The following ITGA9 variants were observed in gnomAD, a reference collection of about 807,000 sequenced individuals.
The protein encoded by ITGA9 is integrin subunit alpha 9.
In ITGA9, 56 loss-of-function variants were observed where a neutral mutation model predicts 127.8. The ratio of observed to expected loss-of-function variants is 0.44; its 90% CI spans 0.35 to 0.55. ITGA9 has a LOEUF of 0.55. Among genes scored for constraint, ITGA9 ranks in the 20% least tolerant of loss-of-function variants. The probability of loss-of-function intolerance (pLI) is 0.00; values close to 1 mark genes in which losing one functional copy is unlikely to be tolerated. For missense variants in ITGA9, 1,196 were observed against 1,347.1 expected, an observed-to-expected ratio of 0.89 and a Z score of 1.76; for synonymous variants, 508 against 514.5, an observed-to-expected ratio of 0.99 and a Z score of 0.17.
intron 16 of ITGA9, among the ~76,000 whole-genome samples, chr3:37,650,717 C>T (rs1163948479): frequency 6.6e-6 from 1 of 152,160 alleles, no homozygotes; most frequent in East Asian, 1.9e-4. Flanking sequence ...AGGTGTGAGC[C>T]ACCATGCCTG....
intron 18 of ITGA9, among the ~76,000 whole-genome samples, chr3:37,721,114 C>CTTT (rs35254377): frequency 1.2e-4 from 11 of 93,228 alleles, no homozygotes; most frequent in East Asian, 6.0e-4. Flanking sequence ...CTTTTCTTGC[C>CTTT]TTTTTTTTTT....
At chr3:37,533,212 C>G in intron 13 of ITGA9, 102 bp from the exon 14 acceptor site, 1 of 1,053,178 alleles carries the variant, frequency 9.5e-7, no homozygotes, top group Non-Finnish European at 1.5e-6. Context: ...TAATTAAATG[C>G]TGGGTTGAAG....
chr3:37,743,537 A>C (rs935005170), intron 21 of ITGA9, among the ~76,000 whole-genome samples: 3 of 152,252 alleles, frequency 2.0e-5, no homozygotes, highest in Non-Finnish European at 4.4e-5. Context: ...TTAGGATGCC[A>C]AATACATAAC....
At chr3:37,817,478 T>TA (rs1366853762) in intron 27 of ITGA9, among the ~76,000 whole-genome samples, 2 of 152,150 alleles carry the variant, frequency 1.3e-5, no homozygotes, top group African/African-American at 4.8e-5. Flanking sequence ...AGGAAGCCAA[T>TA]AAAAGATTTG....
At chr3:37,478,655 G>A (rs548778989) in intron 3 of ITGA9, among the ~76,000 whole-genome samples, 1 of 152,282 alleles carries the variant, frequency 6.6e-6, no homozygotes, top group Admixed American at 6.5e-5. Flanking sequence ...ATGCTTTGGA[G>A]ACAGTCCCTA....
chr3:37,552,628 C>T (rs1699388850), intron 15 of ITGA9, among the ~76,000 whole-genome samples: 1 of 152,080 alleles, frequency 6.6e-6, no homozygotes, highest in Non-Finnish European at 1.5e-5. Flanking sequence ...TGACAAATAG[C>T]GCTCTCTTTC....
intron 14 of ITGA9, among the ~76,000 whole-genome samples, chr3:37,537,351 G>A (rs1699218925): frequency 6.6e-6 from 1 of 152,130 alleles, no homozygotes; most frequent in Non-Finnish European, 1.5e-5. Context: ...CTCCAGCCTT[G>A]CAGGCTCCCT....
chr3:37,633,660 A>G (rs986880311), intron 16 of ITGA9, among the ~76,000 whole-genome samples: 2 of 152,170 alleles, frequency 1.3e-5, no homozygotes, highest in African/African-American at 4.8e-5. Context: ...AGGGTCATCC[A>G]TTTCTCTCTC....
intron 27 of ITGA9, among the ~76,000 whole-genome samples, chr3:37,810,264 C>T (rs1038156968): frequency 5.3e-5 from 8 of 152,194 alleles, no homozygotes; most frequent in East Asian, 1.9e-4. Flanking sequence ...GCCATGCCGC[C>T]GCATTCACAG....
chr3:37,812,458 G>GGCT (rs1393219595), intron 27 of ITGA9, among the ~76,000 whole-genome samples: 1 of 152,228 alleles, frequency 6.6e-6, no homozygotes, highest in Non-Finnish European at 1.5e-5. Context: ...GGGAGGAAGA[G>GGCT]GCTGCTGCTG....
At chr3:37,631,464 C>T (rs1168291118) in intron 16 of ITGA9, among the ~76,000 whole-genome samples, 3 of 152,152 alleles carry the variant, frequency 2.0e-5, no homozygotes, top group East Asian at 1.9e-4. Context: ...TCCAGATGGC[C>T]AACCAAGCAC....
At position 37,568,250 on chromosome 3, in the gene ITGA9, G is replaced by T. The variant is rs151085136; in HGVS notation, c.1689+25665G>T. 2.0e-3 allele frequency among the ~76,000 whole-genome samples: 302 copies of T among 152,372 alleles called. 1 individual carries two copies. The highest frequency in any genetic ancestry group is 3.5e-3 in the Non-Finnish European group (238 of 68,038). ...TGTACCTTGGCCCCTTTTAGCCATG[G>T]CTGGAGTGGCTGGGACACAGGGCAC... On this transcript the variant is annotated intron_variant, in intron 15 of 27. Coordinates refer to ENST00000264741, the MANE Select transcript of ITGA9 (RefSeq NM_002207.3).
intron 18 of ITGA9, among the ~76,000 whole-genome samples, chr3:37,709,462 C>A (rs1027443979): frequency 1.3e-5 from 2 of 152,214 alleles, no homozygotes; most frequent in African/African-American, 4.8e-5. Context: ...TCTTTCAAAA[C>A]TTCTGCAAGG....
At chr3:37,525,827 G>A (rs1434753752) in intron 12 of ITGA9, among the ~76,000 whole-genome samples, 199 bp from the exon 13 acceptor site, 1 of 152,196 alleles carries the variant, frequency 6.6e-6, no homozygotes, top group Non-Finnish European at 1.5e-5. Flanking sequence ...CAAGGCCCCA[G>A]TAGCCTGCGT....
chr3:37,515,172 A>G lies in ITGA9; in HGVS notation c.1035+1272A>G, dbSNP rs1315280026. Among the ~76,000 whole-genome samples, 5 of 152,180 alleles carry G rather than the reference A, an allele frequency of 3.3e-5. No individual in the cohort carries two copies. The East Asian group carries it at 9.6e-4, about 29-fold the overall frequency. On this transcript the variant is annotated intron_variant, in intron 9 of 27. Coordinates refer to ENST00000264741, the MANE Select transcript of ITGA9 (RefSeq NM_002207.3). The stretch of plus-strand genomic sequence containing the variant: ...TAATCAGTGGAAAAATGGGATGAAA[A>G]CTGCATGTACAACCAGTCCTCAGAA...
Position 37,743,922 on chromosome 3 carries a change from T to C in ITGA9, c.2325-4T>C. 2.5e-6 allele frequency: 4 copies of C among 1,606,200 alleles called. No individual in the cohort carries two copies. Among genetic ancestry groups the C allele is most frequent in the Non-Finnish European group, 3.4e-6 (4 of 1,172,828 alleles). On this transcript the variant is annotated splice_region_variant and splice_polypyrimidine_tract_variant and intron_variant, in intron 21 of 27. Transcript: ENST00000264741. ...ATGACAGATTTCATGCTTTCCTCTT[T>C]CAGAATCATGTCTCCAACCTCCTTT...
chr3:37,647,651 G>A (rs891511983), intron 16 of ITGA9, among the ~76,000 whole-genome samples: 13 of 151,760 alleles, frequency 8.6e-5, no homozygotes, highest in Non-Finnish European at 4.4e-5. Flanking sequence ...CCGACCCCTG[G>A]TAACTATCAG....
At chr3:37,539,346 A>G (rs1200606387) in intron 14 of ITGA9, among the ~76,000 whole-genome samples, 1 of 152,238 alleles carries the variant, frequency 6.6e-6, no homozygotes, top group Non-Finnish European at 1.5e-5. Context: ...GTGAGACAGG[A>G]AAGGAAGGCA....
chr3:37,812,121 G>T (rs931334955), intron 27 of ITGA9, among the ~76,000 whole-genome samples: 1 of 152,186 alleles, frequency 6.6e-6, no homozygotes, highest in East Asian at 1.9e-4. Flanking sequence ...ACATGCCCAT[G>T]TGCTTGCACA....
Sources: gnomAD v4.1 joint callset for allele counts (sites outside exome capture counted in the v4.1 genomes callset) on GRCh38, gnomAD v4.1.1 for gene constraint, MANE v1.5 for transcripts, NCBI Gene and HGNC (gene_info 2026-07-23, HGNC 2026-07-21) for gene names.